CCAR1: variants seen among roughly 807,000 people sequenced by gnomAD.
CCAR1 encodes the protein cell division cycle and apoptosis regulator 1.
In CCAR1, 78 loss-of-function variants were observed where a neutral mutation model predicts 163.8. The observed-to-expected ratio is 0.48, with a 90% confidence interval of 0.40 to 0.57. The LOEUF (loss-of-function observed/expected upper bound fraction) is 0.57, where lower values mean the gene tolerates loss of function less well. Ranked by LOEUF, CCAR1 falls within the 20% of genes least tolerant of loss-of-function variation. The probability of loss-of-function intolerance (pLI) is 0.00; values close to 1 mark genes in which losing one functional copy is unlikely to be tolerated. For missense variants in CCAR1, 1,019 were observed against 1,365.2 expected, an observed-to-expected ratio of 0.75 and a Z score of 4.00; for synonymous variants, 443 against 460.7, an observed-to-expected ratio of 0.96 and a Z score of 0.49.
chr10:68,774,855 T>A (rs906222559), intron 19 of CCAR1: 34 of 345,534 alleles, frequency 9.8e-5, no homozygotes, highest in Non-Finnish European at 1.7e-4. Flanking sequence ...CTGAATACCT[T>A]ACCTGTTCTT....
chr10:68,728,452 C>T (rs2055981295), intron 2 of CCAR1, among the ~76,000 whole-genome samples: 1 of 151,974 alleles, frequency 6.6e-6, no homozygotes, highest in Non-Finnish European at 1.5e-5. Flanking sequence ...TTCAAGGGAT[C>T]ACTCAGCCTA....
At chr10:68,738,353 A>G (rs1465796129) in intron 4 of CCAR1, among the ~76,000 whole-genome samples, 1 of 150,600 alleles carries the variant, frequency 6.6e-6, no homozygotes, top group African/African-American at 2.4e-5. Context: ...GCTTGAACTC[A>G]GGAGGCGGAG....
Position 68,755,525 on chromosome 10 carries a change from G to A in CCAR1, c.1614G>A (p.Val538=), listed in dbSNP as rs780044370. The change falls in exon 13 of 25, where the codon GTG becomes GTA. Residue 538 remains valine, a synonymous_variant. Transcript: ENST00000265872. The stretch of plus-strand genomic sequence containing the variant: ...CTCTGACAGGCATTGATCTAAGTGT[G>A]TGCACACAATGGTAAGTACTAATTC... ...CKALTGIDLS[V]CTQWYRFAEI... The A allele has an allele frequency of 1.2e-6, 2 of 1,613,106 alleles. No homozygotes were observed. The highest frequency in any genetic ancestry group is 1.7e-6 in the Non-Finnish European group (2 of 1,179,402).
chr10:68,723,613 C>A (rs2055893574), intron 2 of CCAR1, among the ~76,000 whole-genome samples: 1 of 150,978 alleles, frequency 6.6e-6, no homozygotes, highest in Non-Finnish European at 1.5e-5. Context: ...CTTTGGGAGG[C>A]CAAGGCGGGC....
intron 17 of CCAR1, among the ~76,000 whole-genome samples, chr10:68,770,113 C>T (rs1223015109): frequency 2.0e-5 from 3 of 152,222 alleles, no homozygotes; most frequent in Middle Eastern, 3.4e-3. Context: ...TTATTGCCTT[C>T]TGGTTACTTT....
intron 6 of CCAR1, among the ~76,000 whole-genome samples, chr10:68,743,710 T>C (rs551893782): frequency 1.3e-5 from 2 of 149,420 alleles, no homozygotes; most frequent in Non-Finnish European, 3.0e-5. Context: ...ACCCGGCTAA[T>C]TTTTGTATTA....
chr10:68,752,887 GATA>G (rs2056349786), intron 10 of CCAR1, among the ~76,000 whole-genome samples: 3 of 29,192 alleles, frequency 1.0e-4, no homozygotes, highest in Non-Finnish European at 1.5e-4. Context: ...GGATAGAATA[GATA>G]GATAGATAGA....
At position 68,772,984 on chromosome 10, in the gene CCAR1, A is replaced by T. The variant is rs1288748656; in HGVS notation, c.2539-4A>T. ...ATAAATAATAAAGGCATTTTAAATT[A>T]TAGAAAGAAGATAAAAGAAAAGATG... On this transcript the variant is annotated splice_polypyrimidine_tract_variant and splice_region_variant and intron_variant, in intron 18 of 24. Coordinates refer to ENST00000265872, the MANE Select transcript of CCAR1 (RefSeq NM_018237.4). 1 of 1,324,414 alleles carries T rather than the reference A, an allele frequency of 7.6e-7. No individual in the cohort carries two copies. Among genetic ancestry groups the T allele is most frequent in the Non-Finnish European group, 1.1e-6 (1 of 950,456 alleles). 82.0% of individuals were successfully genotyped at this position (1,324,414 alleles called of 1,614,324 possible).
intron 19 of CCAR1, among the ~76,000 whole-genome samples, chr10:68,781,672 T>C (rs888519236): frequency 1.3e-5 from 2 of 152,020 alleles, no homozygotes; most frequent in Non-Finnish European, 2.9e-5. Flanking sequence ...ATCTGCAACA[T>C]AGTGATACCC....
intron 19 of CCAR1, among the ~76,000 whole-genome samples, chr10:68,785,449 G>A (rs898165902): frequency 6.7e-6 from 1 of 150,272 alleles, no homozygotes; most frequent in Non-Finnish European, 1.5e-5. Context: ...TTAAAACTCC[G>A]GAGCTCAAGC....
intron 2 of CCAR1, among the ~76,000 whole-genome samples, chr10:68,729,494 C>G (rs1289860347): frequency 6.6e-6 from 1 of 151,760 alleles, no homozygotes; most frequent in South Asian, 2.1e-4. Flanking sequence ...TGGTCTTGAT[C>G]TCCTGACCTT....
At chr10:68,751,032 TG>T (rs1270346264) in intron 10 of CCAR1, among the ~76,000 whole-genome samples, 18 of 148,982 alleles carry the variant, frequency 1.2e-4, no homozygotes, top group African/African-American at 4.1e-4. Flanking sequence ...TTTTTGTTTT[TG>T]TTTTTTTTTT....
chr10:68,733,578 G>A (rs1437376936), intron 2 of CCAR1, among the ~76,000 whole-genome samples: 2 of 151,838 alleles, frequency 1.3e-5, no homozygotes, highest in Non-Finnish European at 2.9e-5. Flanking sequence ...ACAGGCAAAA[G>A]GATCACTTGA....
At chr10:68,746,766 CAG>C (rs2056261418) in intron 6 of CCAR1, among the ~76,000 whole-genome samples, 2 of 151,700 alleles carry the variant, frequency 1.3e-5, no homozygotes, top group South Asian at 4.2e-4. Flanking sequence ...TTACTAGAGA[CAG>C]GGTTTCACCA....
intron 16 of CCAR1, 61 bp from the exon 17 acceptor site, chr10:68,765,827 T>C (rs2066317270): frequency 2.7e-6 from 3 of 1,120,336 alleles, no homozygotes; most frequent in African/African-American, 1.6e-5. Context: ...ATATTCATCT[T>C]GCACATGTAT....
intron 6 of CCAR1, among the ~76,000 whole-genome samples, chr10:68,743,191 T>A (rs2056205630): frequency 6.6e-6 from 1 of 150,836 alleles, no homozygotes; most frequent in African/African-American, 2.4e-5. Flanking sequence ...TTTCTTTCTT[T>A]TTCTTTTTCT....
At chr10:68,746,169 C>T (rs756943622) in intron 6 of CCAR1, among the ~76,000 whole-genome samples, 5 of 152,000 alleles carry the variant, frequency 3.3e-5, no homozygotes, top group African/African-American at 4.8e-5. Flanking sequence ...GATGGGGTTT[C>T]GCCATCTTGA....
intron 2 of CCAR1, among the ~76,000 whole-genome samples, chr10:68,731,793 G>A (rs547271445): frequency 3.9e-5 from 6 of 152,044 alleles, no homozygotes; most frequent in African/African-American, 1.4e-4. Flanking sequence ...GTTTCGCCAT[G>A]TTTGCCAGGC....
In CCAR1 at chr10:68,736,517, C is replaced by T. The variant is rs927623242; in HGVS notation, c.74-359C>T. Among the ~76,000 whole-genome samples, 6 of 152,136 alleles carry T rather than the reference C, an allele frequency of 3.9e-5. No homozygotes were observed. The East Asian group carries it at 1.2e-3, about 29-fold the overall frequency. On this transcript the variant is annotated intron_variant, in intron 2 of 24. Transcript: ENST00000265872. ...GGGCCCCACAGCCTCTTGTAGCCACCATTTTACTCTGTTTCTCTTAGTTTG... is the reference window on the plus strand; with the variant it reads ...GGGCCCCACAGCCTCTTGTAGCCACTATTTTACTCTGTTTCTCTTAGTTTG...
Sources: allele counts gnomAD v4.1 joint callset (sites outside exome capture counted in the v4.1 genomes callset), GRCh38; gene constraint gnomAD v4.1.1; transcripts MANE v1.5; gene names NCBI Gene and HGNC (gene_info 2026-07-23, HGNC 2026-07-21).